SPAG17: variants seen among roughly 807,000 people sequenced by gnomAD.
The protein encoded by SPAG17 is sperm-associated antigen 17.
SPAG17 carries 169 observed loss-of-function variants against 273.6 expected under a neutral mutation model. That is an observed-to-expected ratio of 0.62 (90% CI 0.55 to 0.70). The LOEUF (loss-of-function observed/expected upper bound fraction) is 0.70. SPAG17 is among the 30% of genes least tolerant of loss of function. The pLI, the probability that SPAG17 is intolerant of heterozygous loss-of-function variation, is 0.00. For synonymous variants in SPAG17, 825 were observed against 873.2 expected (o/e 0.94, Z 0.97); for missense variants, 2,557 against 2,627.8 (o/e 0.97, Z 0.59).
chr1:118,100,032 T>C (rs1655960999), intron 5 of SPAG17, among the ~76,000 whole-genome samples: 1 of 152,228 alleles, frequency 6.6e-6, no homozygotes, highest in Non-Finnish European at 1.5e-5. Flanking sequence ...AAATGCGACA[T>C]AGGCGTAATA....
intron 1 of SPAG17, among the ~76,000 whole-genome samples, chr1:118,168,189 G>C (rs926190919): frequency 6.6e-6 from 1 of 152,164 alleles, no homozygotes; most frequent in Non-Finnish European, 1.5e-5. Context: ...TACAGAAAAA[G>C]AGAAAAAATA....
chr1:117,959,479 CT>C, intron 48 of SPAG17: 1 of 1,544,764 alleles, frequency 6.5e-7, no homozygotes. Flanking sequence ...TTTTTTTCAA[CT>C]TTTTCCTTTA....
intron 34 of SPAG17, among the ~76,000 whole-genome samples, 173 bp downstream of exon 34, chr1:117,996,197 A>C (rs550927165): frequency 1.6e-4 from 25 of 152,184 alleles, no homozygotes; most frequent in African/African-American, 5.8e-4. Context: ...TAGCTATATA[A>C]ATAAGTTGAC....
chr1:117,991,585 A>T, intron 36 of SPAG17, 57 bp from the exon 37 acceptor site: 1 of 1,079,298 alleles, frequency 9.3e-7, no homozygotes, highest in Non-Finnish European at 1.4e-6. Flanking sequence ...AGAGAGAGAT[A>T]CAAAAATGGT....
chr1:118,042,683 C>T lies in SPAG17; in HGVS notation c.2815-641G>A, dbSNP rs1649903399. Among the ~76,000 whole-genome samples, 3 of 152,242 alleles carry T rather than the reference C, an allele frequency of 2.0e-5. No individual in the cohort carries two copies. The South Asian group carries it at 6.2e-4, about 32-fold the overall frequency. Reference sequence around the variant, plus strand: ...CAGTTATGACAGGAAATATCCTCTCCTAGGGTGTAGGCCAAGTGAACGACT... The same window carrying T: ...CAGTTATGACAGGAAATATCCTCTCTTAGGGTGTAGGCCAAGTGAACGACT... On this transcript the variant is annotated intron_variant, in intron 20 of 48. Coordinates refer to ENST00000336338, the MANE Select transcript of SPAG17 (RefSeq NM_206996.4).
At chr1:118,157,851 G>A (rs1056702115) in intron 1 of SPAG17, among the ~76,000 whole-genome samples, 1 of 152,136 alleles carries the variant, frequency 6.6e-6, no homozygotes, top group Non-Finnish European at 1.5e-5. Context: ...ACAGCACCTA[G>A]CAATAATCCT....
intron 25 of SPAG17, among the ~76,000 whole-genome samples, chr1:118,029,283 A>G (rs1402110763): frequency 6.6e-6 from 1 of 152,166 alleles, no homozygotes; most frequent in Non-Finnish European, 1.5e-5. Context: ...CTTACCAGAC[A>G]TAAAATCTGC....
intron 1 of SPAG17, among the ~76,000 whole-genome samples, chr1:118,163,343 G>A (rs748926304): frequency 2.6e-5 from 4 of 152,074 alleles, no homozygotes; most frequent in Non-Finnish European, 4.4e-5. Context: ...AGAATTAGTG[G>A]AAGGAATTCT....
In SPAG17 at chr1:118,020,430, G is replaced by A. The variant is rs1300913751; in HGVS notation, c.4069+2874C>T. The stretch of plus-strand genomic sequence containing the variant: ...AGCCTGGGCAACAGAGTGACACTGT[G>A]TCTCAAGAAAAAAAAAAAAGAAAGA... On this transcript the variant is annotated intron_variant, in intron 28 of 48. Transcript: ENST00000336338. Among the ~76,000 whole-genome samples the A allele has an allele frequency of 3.3e-5, 5 of 149,542 alleles. No homozygotes were observed. The South Asian group carries it at 1.0e-3, about 31-fold the overall frequency.
chr1:117,982,145 C>G (rs1488481743), intron 42 of SPAG17, among the ~76,000 whole-genome samples: 1 of 152,130 alleles, frequency 6.6e-6, no homozygotes, highest in African/African-American at 2.4e-5. Flanking sequence ...GGTTTACCAA[C>G]TCTGTCATAA....
At chr1:118,070,474 G>T (rs553188561) in intron 17 of SPAG17, among the ~76,000 whole-genome samples, 18 of 152,296 alleles carry the variant, frequency 1.2e-4, no homozygotes, top group African/African-American at 4.3e-4. Flanking sequence ...GAGGGGAAGA[G>T]GGTAACTACA....
chr1:118,016,720 G>T (rs886765882), intron 28 of SPAG17, among the ~76,000 whole-genome samples: 3 of 152,216 alleles, frequency 2.0e-5, no homozygotes, highest in African/African-American at 7.2e-5. Context: ...CATATCCCTG[G>T]GGAGAGGAGT....
intron 24 of SPAG17, chr1:118,036,539 T>G (rs562938144): frequency 1.1e-3 from 245 of 228,342 alleles, no homozygotes; most frequent in African/African-American, 8.1e-3. Flanking sequence ...TGTCAAAGCA[T>G]TTTTATTTTG....
Position 117,992,550 on chromosome 1 carries a change from G to C in SPAG17, c.5277C>G (p.Ser1759Arg), listed in dbSNP as rs1459460732. ...ATTGGCGCATCTGTAGCACACTGGG[G>C]CTCTTGAGTATGGCACCCGGGGCAC... ...LVSAPGAILK[S>R]PSVLQMRQFI... The change falls in exon 36 of 49, where the codon AGC becomes AGG. Residue 1759 changes from serine to arginine, a missense_variant. Transcript: ENST00000336338. The C allele has an allele frequency of 6.2e-7, 1 of 1,613,612 alleles. No individual in the cohort carries two copies. Among genetic ancestry groups the C allele is most frequent in the African/African-American group, 1.3e-5 (1 of 74,876 alleles).
chr1:118,005,560 A>G lies in SPAG17; in HGVS notation c.4630T>C (p.Cys1544Arg), dbSNP rs780154778. The part of the protein sequence containing the change: ...NTGSLYIDKD[C>R]SAVYCHESSS... The stretch of plus-strand genomic sequence containing the variant: ...GACTCATGGCAGTACACAGCTGAAC[A>G]ATCCTTGTCAATATAAAGAGAGCCT... Residue 1544 changes from cysteine (C) to arginine (R), a missense_variant, in exon 32 of 49, where the codon TGT (cysteine) becomes CGT (arginine). By Grantham distance (180) the Cys-to-Arg change is radical (BLOSUM62 -3). Transcript: ENST00000336338. 5 of 1,580,514 alleles carry G rather than the reference A, an allele frequency of 3.2e-6. No individual in the cohort carries two copies. Among genetic ancestry groups the G allele is most frequent in the African/African-American group, 1.4e-5 (1 of 73,818 alleles).
chr1:118,125,245 A>ATATATATATTT (rs146004766), intron 3 of SPAG17, among the ~76,000 whole-genome samples: 4 of 150,750 alleles, frequency 2.7e-5, no homozygotes, highest in African/African-American at 7.4e-5. Context: ...ATATATATAT[A>ATATATATATTT]TTTTTGACAT....
intron 14 of SPAG17, 39 bp from the exon 15 acceptor site, chr1:118,081,358 G>A (rs757757688): frequency 6.2e-7 from 1 of 1,611,406 alleles, no homozygotes; most frequent in Non-Finnish European, 8.5e-7. Flanking sequence ...TACAATATGA[G>A]AAAAATTGAC....
chr1:117,975,542 A>G (rs1013400873), intron 43 of SPAG17, among the ~76,000 whole-genome samples: 1 of 152,198 alleles, frequency 6.6e-6, no homozygotes, highest in Non-Finnish European at 1.5e-5. Flanking sequence ...GGTCAGGGCT[A>G]GAATGTGGAC....
Position 118,150,509 on chromosome 1 carries a change from C to T in SPAG17, c.315+34G>A, listed in dbSNP as rs578213662. On this transcript the variant is annotated intron_variant, in intron 3 of 48. Transcript: ENST00000336338. ...TTACTTCAATTCTTTTTTCTAAAAA[C>T]ACAAAAATATCTTCTATAAACACTT... 257 of 1,227,690 alleles carry T rather than the reference C, an allele frequency of 2.1e-4. 4 individuals carry two copies. The South Asian group carries it at 4.0e-3, about 19-fold the overall frequency. The allele number at this position is 1,227,690 out of a possible 1,614,324, so 76.0% of individuals were successfully genotyped here.
Sources: allele counts gnomAD v4.1 joint callset (sites outside exome capture counted in the v4.1 genomes callset), GRCh38; gene constraint gnomAD v4.1.1; transcripts MANE v1.5; gene names NCBI Gene and HGNC (gene_info 2026-07-23, HGNC 2026-07-21).